Variants in GALNT13 observed in about 807,000 individuals in gnomAD.
GALNT13 encodes the protein UDP-GalNAc:polypeptide N-acetylgalactosaminyltransferase 13.
Under a neutral mutation model 64.2 loss-of-function variants are expected in GALNT13, and 28 were observed. The ratio of observed to expected loss-of-function variants is 0.44; its 90% CI spans 0.32 to 0.60. The LOEUF (loss-of-function observed/expected upper bound fraction) is 0.60, where lower values mean the gene tolerates loss of function less well. Among genes scored for constraint, GALNT13 ranks in the 20% least tolerant of loss-of-function variants. The pLI, the probability that GALNT13 is intolerant of heterozygous loss-of-function variation, is 0.05. For synonymous variants in GALNT13, 214 were observed against 224.6 expected (o/e 0.95, Z 0.42); for missense variants, 577 against 669.8 (o/e 0.86, Z 1.53).
chr2:154,126,246 A>G (rs1682254043), intron 3 of GALNT13, among the ~76,000 whole-genome samples: 1 of 152,212 alleles, frequency 6.6e-6, no homozygotes, highest in East Asian at 1.9e-4. Flanking sequence ...ATTGCAAGGT[A>G]AACTCAACTT....
At chr2:153,141,914 TA>T in the GALNT13 span, among the ~76,000 whole-genome samples, 1 of 152,058 alleles carries the variant, frequency 6.6e-6, no homozygotes, top group African/African-American at 2.4e-5. Flanking sequence ...ACATGCTTAG[TA>T]ACATGTCCTC....
the GALNT13 span, among the ~76,000 whole-genome samples, chr2:153,699,921 A>G: frequency 4.6e-5 from 7 of 152,178 alleles, no homozygotes; most frequent in African/African-American, 1.4e-4. Context: ...TATAAGGAGG[A>G]GCCAGTACCA....
chr2:153,069,134 C>T, the GALNT13 span, among the ~76,000 whole-genome samples: 4,673 of 152,248 alleles, frequency 0.031, 111 homozygotes, highest in Middle Eastern at 0.058. Context: ...CCTCTTTGAC[C>T]TTCAGCGTCC....
the GALNT13 span, among the ~76,000 whole-genome samples, chr2:153,798,011 G>T: frequency 6.6e-6 from 1 of 152,182 alleles, no homozygotes; most frequent in Non-Finnish European, 1.5e-5. Context: ...TAGAAATTAA[G>T]AATCTCAAGT....
At chr2:154,098,459 A>G (rs1394618422) in intron 3 of GALNT13, among the ~76,000 whole-genome samples, 1 of 151,662 alleles carries the variant, frequency 6.6e-6, no homozygotes, top group African/African-American at 2.4e-5. Context: ...TATTTTTAGT[A>G]TTATTTTATA....
intron 8 of GALNT13, among the ~76,000 whole-genome samples, chr2:154,284,017 A>G (rs1485528002): frequency 6.6e-6 from 1 of 152,182 alleles, no homozygotes; most frequent in African/African-American, 2.4e-5. Context: ...ATAACTGTGT[A>G]TATTTGTAAG....
the GALNT13 span, among the ~76,000 whole-genome samples, chr2:153,701,450 T>C: frequency 6.6e-6 from 1 of 152,136 alleles, no homozygotes; most frequent in Admixed American, 6.6e-5. Flanking sequence ...GATTTCATGA[T>C]GAAAATGCCA....
chr2:153,899,163 C>G (rs901567818), intron 1 of GALNT13, among the ~76,000 whole-genome samples: 1 of 151,922 alleles, frequency 6.6e-6, no homozygotes, highest in South Asian at 2.1e-4. Flanking sequence ...GTTTTCATGC[C>G]CCCAGTTTTC....
the GALNT13 span, among the ~76,000 whole-genome samples, chr2:153,125,962 C>T: frequency 2.6e-5 from 4 of 151,892 alleles, no homozygotes; most frequent in Admixed American, 6.6e-5. Context: ...AAATTAAAAG[C>T]GTCCGGTGAT....
At chr2:154,366,817 G>C (rs577524414) in intron 9 of GALNT13, among the ~76,000 whole-genome samples, 1 of 152,110 alleles carries the variant, frequency 6.6e-6, no homozygotes, top group African/African-American at 2.4e-5. Context: ...ACACAAAAAA[G>C]CAAGTCTAAG....
At chr2:153,581,355 A>C in the GALNT13 span, among the ~76,000 whole-genome samples, 2 of 151,778 alleles carry the variant, frequency 1.3e-5, no homozygotes, top group African/African-American at 4.8e-5. Flanking sequence ...TTTTTTTCTC[A>C]TGTTTCTTTT....
rs1699021424 is a variant in GALNT13 at position 154,395,643 on chromosome 2, A to G, written c.1157-348A>G. ...TAACAAAAACATTGGCACTACTAGA[A>G]TTTTTTATTAAGGAGAAACAGACAT... On this transcript the variant is annotated intron_variant, in intron 9 of 12. Coordinates refer to ENST00000392825, the MANE Select transcript of GALNT13 (RefSeq NM_052917.4). Among the ~76,000 whole-genome samples, 3 of 152,124 alleles carry G rather than the reference A, an allele frequency of 2.0e-5. 1 individual carries two copies. The highest frequency in any genetic ancestry group is 4.1e-4 in the South Asian group (2 of 4,828).
chr2:153,757,600 C>T, the GALNT13 span, among the ~76,000 whole-genome samples: 1 of 152,062 alleles, frequency 6.6e-6, no homozygotes, highest in African/African-American at 2.4e-5. Flanking sequence ...ACATTCCCAA[C>T]AATAGTCTAG....
chr2:153,565,402 C>A, the GALNT13 span, among the ~76,000 whole-genome samples: 1 of 151,824 alleles, frequency 6.6e-6, no homozygotes, highest in Non-Finnish European at 1.5e-5. Context: ...GGGTGGTTGG[C>A]AAATCTTGTG....
At chr2:153,789,613 G>A in the GALNT13 span, among the ~76,000 whole-genome samples, 1 of 151,922 alleles carries the variant, frequency 6.6e-6, no homozygotes, top group Non-Finnish European at 1.5e-5. Flanking sequence ...TGAAGATCAA[G>A]GCACAAAAGT....
the GALNT13 span, among the ~76,000 whole-genome samples, chr2:153,282,617 T>C: frequency 6.6e-6 from 1 of 152,170 alleles, no homozygotes; most frequent in East Asian, 1.9e-4. Context: ...GGTTTCACCA[T>C]GTTGCCTAGG....
At chr2:153,368,115 T>C in the GALNT13 span, among the ~76,000 whole-genome samples, 1 of 152,082 alleles carries the variant, frequency 6.6e-6, no homozygotes, top group Admixed American at 6.6e-5. Flanking sequence ...AGTAAAATAA[T>C]GGAGATCTAT....
intron 2 of GALNT13, among the ~76,000 whole-genome samples, chr2:153,936,571 A>T (rs1278469972): frequency 6.6e-6 from 1 of 152,176 alleles, no homozygotes; most frequent in Non-Finnish European, 1.5e-5. Flanking sequence ...CCTTTATCAC[A>T]GAGAGCCATA....
At chr2:153,253,811 G>T in the GALNT13 span, among the ~76,000 whole-genome samples, 1 of 151,760 alleles carries the variant, frequency 6.6e-6, no homozygotes, top group Non-Finnish European at 1.5e-5. Flanking sequence ...GCATCCCAGG[G>T]ATGAAGCCCA....
Sources: allele counts gnomAD v4.1 joint callset (sites outside exome capture counted in the v4.1 genomes callset), GRCh38; gene constraint gnomAD v4.1.1; transcripts MANE v1.5; gene names NCBI Gene and HGNC (gene_info 2026-07-23, HGNC 2026-07-21).